The following COL28A1 variants were observed in gnomAD, a reference collection of about 807,000 sequenced individuals.
COL28A1 encodes collagen alpha-1(XXVIII) chain.
COL28A1 carries 161 observed loss-of-function variants against 150.2 expected under a neutral mutation model. That is an observed-to-expected ratio of 1.07 (90% CI 0.94 to 1.22). The LOEUF is 1.22. Ranked by LOEUF, COL28A1 falls within the 50% of genes most tolerant of loss-of-function variation. The pLI is 0.00. For synonymous variants in COL28A1, 552 were observed against 469.7 expected, an observed-to-expected ratio of 1.18 and a Z score of -2.26; for missense variants, 1,617 against 1,388.3, an observed-to-expected ratio of 1.16 and a Z score of -2.62.
chr7:7,445,927 C>G (rs1786225296), intron 18 of COL28A1, among the ~76,000 whole-genome samples: 1 of 150,294 alleles, frequency 6.7e-6, no homozygotes, highest in Non-Finnish European at 1.5e-5. Context: ...GGTATGATCT[C>G]AGCTCACCGC....
chr7:7,380,639 C>G (rs1205858457), intron 30 of COL28A1, 21 bp downstream of exon 30: 2 of 1,608,626 alleles, frequency 1.2e-6, no homozygotes, highest in African/African-American at 1.3e-5. Flanking sequence ...CCCTCAATTA[C>G]CCTCTAGAAT....
At chr7:7,539,467 C>T (rs924524058), upstream of COL28A1, among the ~76,000 whole-genome samples, 4 of 152,098 alleles carry the variant, frequency 2.6e-5, no homozygotes, top group African/African-American at 7.2e-5. Flanking sequence ...CCCACATGAC[C>T]CAAACGTTTC....
intron 23 of COL28A1, among the ~76,000 whole-genome samples, chr7:7,433,760 C>T (rs1327941703): frequency 3.9e-5 from 6 of 151,942 alleles, no homozygotes; most frequent in African/African-American, 1.5e-4. Flanking sequence ...ATGACTCTTA[C>T]AACAGCCCTT....
rs62450178 is a variant in COL28A1, at chr7:7,530,233, T to C, written c.681+1115A>G. Reference sequence around the variant, plus strand: ...CTACATCATAAGATTGTGGCAAACATTGAATAAAATAAAATATATAAAGTG... The same window carrying C: ...CTACATCATAAGATTGTGGCAAACACTGAATAAAATAAAATATATAAAGTG... On this transcript the variant is annotated intron_variant, in intron 3 of 34. Coordinates refer to ENST00000399429, the MANE Select transcript of COL28A1 (RefSeq NM_001037763.3). Among the ~76,000 whole-genome samples, 206 of 152,208 alleles carry C rather than the reference T, an allele frequency of 1.4e-3. 2 individuals are homozygous for C. Among genetic ancestry groups the C allele is most frequent in the Non-Finnish European group, 1.8e-3 (122 of 68,016 alleles).
chr7:7,363,083 C>T (rs1320289916), intron 33 of COL28A1, among the ~76,000 whole-genome samples: 2 of 151,824 alleles, frequency 1.3e-5, no homozygotes, highest in Non-Finnish European at 2.9e-5. Context: ...GTTTTTTTTG[C>T]CTGCATGTAT....
At chr7:7,354,982 C>A (rs1336690355), downstream of COL28A1, among the ~76,000 whole-genome samples, 2 of 152,048 alleles carry the variant, frequency 1.3e-5, no homozygotes, top group Admixed American at 1.3e-4. Flanking sequence ...AAGGACATTT[C>A]TCACCCAAGA....
intron 8 of COL28A1, among the ~76,000 whole-genome samples, chr7:7,512,496 TA>T (rs1310804908): frequency 6.6e-6 from 1 of 152,120 alleles, no homozygotes; most frequent in Non-Finnish European, 1.5e-5. Flanking sequence ...ATTTGTCCAT[TA>T]AATTTTTTAA....
At chr7:7,380,746 G>GTA (rs770944432) in intron 29 of COL28A1, 36 bp downstream of exon 29, 1 of 1,612,070 alleles carries the variant, frequency 6.2e-7, no homozygotes, top group East Asian at 2.2e-5. Context: ...ACCAGTTAGA[G>GTA]TATAAAATCA....
chr7:7,540,150 T>C (rs1416579021), upstream of COL28A1, among the ~76,000 whole-genome samples: 1 of 152,220 alleles, frequency 6.6e-6, no homozygotes, highest in African/African-American at 2.4e-5. Flanking sequence ...AGTCCTATCA[T>C]AGGTTTGAAT....
intron 4 of COL28A1, 65 bp downstream of exon 4, chr7:7,524,164 T>C: frequency 1.1e-6 from 1 of 875,362 alleles, no homozygotes; most frequent in Non-Finnish European, 2.0e-6. Flanking sequence ...ATGTGAATTA[T>C]AATGCTGATT....
At chr7:7,359,318 T>C (rs1300884089) in intron 34 of COL28A1, among the ~76,000 whole-genome samples, 1 of 150,368 alleles carries the variant, frequency 6.7e-6, no homozygotes, top group Non-Finnish European at 1.5e-5. Flanking sequence ...AATGAAGGAC[T>C]GTCTTTATAT....
intron 8 of COL28A1, chr7:7,511,692 A>G (rs957365730): frequency 6.4e-6 from 3 of 467,806 alleles, no homozygotes; most frequent in Non-Finnish European, 1.3e-5. Context: ...ACCGTGAGAG[A>G]AAGGTTCTGA....
In COL28A1 at chr7:7,456,097, C is replaced by T. The variant is rs1199369584; in HGVS notation, c.1318G>A (p.Val440Met). Residue 440 changes from valine to methionine, a missense_variant, in exon 16 of 35, where the codon GTG becomes ATG. By Grantham distance (21) the Val-to-Met change is conservative (BLOSUM62 1). Transcript: ENST00000399429. ...ATACCCATTGGTCCTTGGGGTCCCA[C>T]AGGTCCTATATCCCCCTGCACAGAA... ...IKGEKGDIGPVGPQGPMGIPG... is the reference protein window; with the variant it reads ...IKGEKGDIGPMGPQGPMGIPG... 3 of 1,613,686 alleles carry T rather than the reference C, an allele frequency of 1.9e-6. No homozygotes were observed. The highest frequency in any genetic ancestry group is 1.3e-5 in the African/African-American group (1 of 74,868).
chr7:7,360,409 G>C lies in COL28A1; in HGVS notation c.3186C>G (p.Thr1062=), dbSNP rs116399034. ...ATTTPRPLLS[T]PVDGAEDPRC... ...ACCTACCCTCTGCCCCATCCACAGG[G>C]GTGCTGAGCAGTGGCCTGGGGGTGG... The change falls in exon 34 of 35, where the codon ACC becomes ACG. Residue 1062 remains threonine (T), a synonymous_variant. Transcript: ENST00000399429. 4 of 1,592,440 alleles carry C rather than the reference G, an allele frequency of 2.5e-6. No individual in the cohort carries two copies. In the Admixed American group the frequency reaches 5.6e-5, roughly 22 times the overall value.
intron 4 of COL28A1, among the ~76,000 whole-genome samples, chr7:7,522,356 A>T (rs1418634382): frequency 6.6e-6 from 1 of 152,192 alleles, no homozygotes; most frequent in African/African-American, 2.4e-5. Context: ...ATAACACATC[A>T]AAGCTCAATA....
chr7:7,381,458 C>T, intron 28 of COL28A1, 86 bp downstream of exon 28: 1 of 884,412 alleles, frequency 1.1e-6, no homozygotes, highest in Non-Finnish European at 1.8e-6. Flanking sequence ...GGAAGAGTGA[C>T]ACATATATGA....
chr7:7,440,667 ATTTG>A (rs1274701718), intron 21 of COL28A1, 119 bp downstream of exon 21: 3 of 531,078 alleles, frequency 5.6e-6, no homozygotes, highest in Non-Finnish European at 1.0e-5. Flanking sequence ...ATTTTGGGGT[ATTTG>A]TTTTGTACTT....
intron 11 of COL28A1, 31 bp from the exon 12 acceptor site, chr7:7,490,677 T>C (rs753117157): frequency 3.2e-6 from 3 of 931,744 alleles, no homozygotes; most frequent in Non-Finnish European, 5.3e-6. Context: ...ATCAGTTATA[T>C]GTTAGGTCGA....
intron 27 of COL28A1, among the ~76,000 whole-genome samples, chr7:7,382,995 CT>C (rs1241452896): frequency 6.6e-6 from 1 of 152,026 alleles, no homozygotes; most frequent in Admixed American, 6.6e-5. Flanking sequence ...GGCTGTCAAG[CT>C]GTTTCAAATC....
Sources: allele counts gnomAD v4.1 joint callset (sites outside exome capture counted in the v4.1 genomes callset), GRCh38; gene constraint gnomAD v4.1.1; transcripts MANE v1.5; gene names NCBI Gene and HGNC (gene_info 2026-07-23, HGNC 2026-07-21).